The following SETDB2 variants were observed in gnomAD, a reference collection of about 807,000 sequenced individuals.
The protein encoded by SETDB2 is histone-lysine N-methyltransferase SETDB2.
In SETDB2, 56 loss-of-function variants were observed where a neutral mutation model predicts 82.5. The observed-to-expected ratio is 0.68, with a 90% CI of 0.55 to 0.85. The LOEUF is 0.85. SETDB2 is among the 40% of genes least tolerant of loss of function. The probability of loss-of-function intolerance (pLI) is 0.00; values close to 1 mark genes in which losing one functional copy is unlikely to be tolerated. For synonymous variants in SETDB2, 272 were observed against 284.9 expected, an observed-to-expected ratio of 0.95 and a Z score of 0.46; for missense variants, 677 against 816.4, an observed-to-expected ratio of 0.83 and a Z score of 2.08.
rs886120641 is a variant in SETDB2, at chr13:49,488,717, C to T, written c.1917+87C>T. The stretch of plus-strand genomic sequence containing the variant: ...AAATTATGAGGAAAATAAACAGACT[C>T]TAAAGTCAGACCATCTGGTTAGAAT... On this transcript the variant is annotated intron_variant, in intron 12 of 13. Transcript: ENST00000611815. The T allele has an allele frequency of 1.3e-5, 14 of 1,104,148 alleles. No homozygotes were observed. In the Admixed American group the frequency reaches 1.9e-4, roughly 15 times the overall value. The allele number at this position is 1,104,148 out of a possible 1,614,324, so 68.4% of individuals were successfully genotyped here.
Position 49,488,355 on chromosome 13 carries a change from G to T in SETDB2, c.1642G>T (p.Asp548Tyr), listed in dbSNP as rs1030300903. 1.2e-6 allele frequency: 2 copies of T among 1,610,804 alleles called. No individual in the cohort carries two copies. The highest frequency in any genetic ancestry group is 1.7e-6 in the Non-Finnish European group (2 of 1,179,274). The change falls in exon 12 of 14, where the codon GAT (aspartate) becomes TAT (tyrosine). Residue 548 changes from aspartate to tyrosine, a missense_variant. Transcript: ENST00000611815. ...DNLLIESDVI[D>Y]ITKYREETPP... Reference sequence around the variant, plus strand: ...TCTGCTGATTGAATCAGATGTGATAGATATAACTAAATATAGAGAAGAAAC... The same window carrying T: ...TCTGCTGATTGAATCAGATGTGATATATATAACTAAATATAGAGAAGAAAC...
Position 49,467,951 on chromosome 13 carries a change from G to A in SETDB2, c.296G>A (p.Cys99Tyr), listed in dbSNP as rs2138892437. Reference protein sequence around the residue: ...TSCENSFPEDCTFLTTENKEI... With the variant: ...TSCENSFPEDYTFLTTENKEI... ...TGTGAAAACTCCTTTCCAGAAGACT[G>A]TACATTTCTGTATGTATATAAATTC... Residue 99 changes from cysteine (C) to tyrosine (Y), a missense_variant, in exon 5 of 14, where the codon TGT becomes TAT. Around this residue, in one of 3 missense-constraint regions of SETDB2, gnomAD observed 243 missense variants for 237.2 expected, o/e 1.02. Coordinates refer to ENST00000611815, the MANE Select transcript of SETDB2 (RefSeq NM_001160308.3). The A allele has an allele frequency of 1.9e-6, 3 of 1,592,632 alleles. No homozygotes were observed. Among genetic ancestry groups the A allele is most frequent in the Middle Eastern group, 1.7e-4 (1 of 6,008 alleles).
chr13:49,482,172 A>G (rs1434040861), intron 8 of SETDB2: 2 of 985,328 alleles, frequency 2.0e-6, no homozygotes, highest in Non-Finnish European at 1.2e-6. Flanking sequence ...AATGTAACTA[A>G]GATATGTCTC....
intron 1 of SETDB2, among the ~76,000 whole-genome samples, chr13:49,448,270 CAT>C (rs1405934122): frequency 2.0e-5 from 3 of 152,118 alleles, no homozygotes; most frequent in Non-Finnish European, 4.4e-5. Context: ...GGTTCATTGA[CAT>C]AAAACTGTCT....
chr13:49,480,410 CT>C, intron 7 of SETDB2, 75 bp downstream of exon 7: 1 of 830,306 alleles, frequency 1.2e-6, no homozygotes, highest in Non-Finnish European at 1.9e-6. Flanking sequence ...GGTCCAAAAT[CT>C]TATAGATGTT....
chr13:49,451,936 T>C (rs1287087180), intron 2 of SETDB2, 27 bp downstream of exon 2: 1 of 1,544,258 alleles, frequency 6.5e-7, no homozygotes, highest in Admixed American at 1.8e-5. Flanking sequence ...ACTGTTACAC[T>C]TTATATCTAA....
intron 5 of SETDB2, among the ~76,000 whole-genome samples, chr13:49,469,155 T>C (rs1483364242): frequency 6.6e-6 from 1 of 152,218 alleles, no homozygotes; most frequent in East Asian, 1.9e-4. Context: ...TTTTAGCTTA[T>C]CATCTTGTAC....
chr13:49,461,220 C>G, intron 4 of SETDB2, 58 bp downstream of exon 4: 1 of 1,223,816 alleles, frequency 8.2e-7, no homozygotes, highest in Non-Finnish European at 1.2e-6. Context: ...TGCCATGAAG[C>G]AGGATAGCTT....
At position 49,476,731 on chromosome 13, in the gene SETDB2, A is replaced by T; in HGVS notation, c.561A>T (p.Leu187=). 1 of 1,614,250 alleles carries T rather than the reference A, an allele frequency of 6.2e-7. No homozygotes were observed. The highest frequency in any genetic ancestry group is 8.5e-7 in the Non-Finnish European group (1 of 1,180,042). The change falls in exon 6 of 14, where the codon CTA becomes CTT. Residue 187 remains leucine, a synonymous_variant. Coordinates refer to ENST00000611815, the MANE Select transcript of SETDB2 (RefSeq NM_001160308.3). ...ATAAAACCCCTTGTGGAAGGAGTCT[A>T]CGAAACGTGGAGGAAGTTTTTCGTT... The part of the protein sequence containing the change: ...VSYKTPCGRS[L]RNVEEVFRYL...
At chr13:49,482,994 C>G in intron 9 of SETDB2, 32 bp downstream of exon 9, 1 of 1,291,938 alleles carries the variant, frequency 7.7e-7, no homozygotes, top group South Asian at 1.3e-5. Flanking sequence ...CAGAGTAAAT[C>G]TAAATTATTA....
intron 5 of SETDB2, among the ~76,000 whole-genome samples, chr13:49,473,667 A>G (rs1056546623): frequency 2.6e-5 from 4 of 152,154 alleles, no homozygotes; most frequent in Non-Finnish European, 5.9e-5. Context: ...GTTGAAAAGG[A>G]CAACAGAACA....
chr13:49,489,700 G>A (rs1201021718), intron 12 of SETDB2, among the ~76,000 whole-genome samples: 2 of 146,416 alleles, frequency 1.4e-5, no homozygotes, highest in East Asian at 2.1e-4. Flanking sequence ...AGGTTCAAGC[G>A]ATTCTCCTCA....
At position 49,480,339 on chromosome 13, in the gene SETDB2, A is replaced by G; in HGVS notation, c.986+4A>G. On this transcript the variant is annotated splice_donor_region_variant and intron_variant, in intron 7 of 13. Transcript: ENST00000611815. ...TACAGAGACAGATTCCTACTGGGTA[A>G]GGTACCTTGAGGATTTGTTGCAGGG... 6.5e-7 allele frequency: 1 copy of G among 1,544,944 alleles called. No individual in the cohort carries two copies.
In SETDB2 at chr13:49,455,467, G is replaced by A. The variant is rs565544264; in HGVS notation, c.16+3558G>A. ...TGACCACTTGTAAAATATTGGCTCA[G>A]TGAATTATGCAGATCTTCCAAATGT... On this transcript the variant is annotated intron_variant, in intron 2 of 13. Coordinates refer to ENST00000611815, the MANE Select transcript of SETDB2 (RefSeq NM_001160308.3). Among the ~76,000 whole-genome samples, 18 of 152,260 alleles carry A rather than the reference G, an allele frequency of 1.2e-4. No individual in the cohort carries two copies. In the East Asian group the frequency reaches 1.5e-3, roughly 13 times the overall value.
intron 2 of SETDB2, among the ~76,000 whole-genome samples, chr13:49,453,294 CT>C (rs1566154765): frequency 1.3e-5 from 2 of 148,876 alleles, no homozygotes; most frequent in African/African-American, 2.5e-5. Flanking sequence ...TCAGTTGGCT[CT>C]TTTTTTTCTT....
chr13:49,489,907 G>A (rs928267681), intron 12 of SETDB2, among the ~76,000 whole-genome samples: 5 of 30,618 alleles, frequency 1.6e-4, no homozygotes, highest in Non-Finnish European at 2.9e-4. Context: ...TATTTCTCCC[G>A]CCCCCCCCCC....
In SETDB2 at chr13:49,493,836, G is replaced by C. The variant is rs1040016535; in HGVS notation, c.*1987G>C. 1.3e-5 allele frequency: 2 copies of C among 152,132 alleles called. No homozygotes were observed. The highest frequency in any genetic ancestry group is 2.4e-5 in the African/African-American group (1 of 41,418). 9.4% of individuals were successfully genotyped at this position (152,132 alleles called of 1,614,324 possible). On this transcript the variant is annotated 3_prime_UTR_variant, in exon 14 of 14. Transcript: ENST00000611815. Reference sequence around the variant, plus strand: ...ACTACTGGAAATTGAATGCCATTCTGTTCCTTCTCTTTTGCATATATAATC... The same window carrying C: ...ACTACTGGAAATTGAATGCCATTCTCTTCCTTCTCTTTTGCATATATAATC...
chr13:49,460,267 A>G (rs542586734), intron 3 of SETDB2, 35 bp downstream of exon 3: 1 of 1,597,270 alleles, frequency 6.3e-7, no homozygotes, highest in South Asian at 1.1e-5. Context: ...TATGTTTAAT[A>G]CTAAATATTT....
Position 49,488,471 on chromosome 13 carries a change from G to A in SETDB2, c.1758G>A (p.Glu586=). 3.1e-6 allele frequency: 5 copies of A among 1,614,102 alleles called. No individual in the cohort carries two copies. Among genetic ancestry groups the A allele is most frequent in the East Asian group, 2.2e-5 (1 of 44,870 alleles). Residue 586 remains glutamate (E), a synonymous_variant, in exon 12 of 14, where the codon GAG becomes GAA. Coordinates refer to ENST00000611815, the MANE Select transcript of SETDB2 (RefSeq NM_001160308.3). ...AIEVQIQKPQ[E]GRSTACQRQQ... is the part of the protein sequence containing the mutation. ...AGGTTCAAATTCAGAAACCCCAAGA[G>A]GGACGATCTACAGCATGTCAAAGAC...
Sources: gnomAD v4.1 joint callset for allele counts (sites outside exome capture counted in the v4.1 genomes callset) on GRCh38, gnomAD v4.1.1 for gene constraint, gnomAD v4.1.1 regional missense constraint, MANE v1.5 for transcripts, NCBI Gene and HGNC (gene_info 2026-07-23, HGNC 2026-07-21) for gene names.